The following GIT2 variants were observed in gnomAD, a reference collection of about 807,000 sequenced individuals.
GIT2 encodes GIT ArfGAP 2, also known as ARF GTPase-activating protein GIT2.
Under a neutral mutation model 100.3 loss-of-function variants are expected in GIT2, and 32 were observed. The observed-to-expected ratio is 0.32, with a 90% CI of 0.24 to 0.43. The LOEUF is 0.43. GIT2 is among the 20% of genes least tolerant of loss of function. The probability of loss-of-function intolerance (pLI) is 1.00; values close to 1 mark genes in which losing one functional copy is unlikely to be tolerated. For missense variants in GIT2, 737 were observed against 975.1 expected (o/e 0.76, Z 3.25); for synonymous variants, 353 against 364.1 (o/e 0.97, Z 0.35).
At chr12:109,983,791 G>A (rs1426573900) in intron 4 of GIT2, 97 bp from the exon 5 acceptor site, 1 of 729,774 alleles carries the variant, frequency 1.4e-6, no homozygotes, top group Non-Finnish European at 2.4e-6. Flanking sequence ...TGTTACATCA[G>A]TAACGCATAA....
rs1418065073 is a variant in GIT2, at chr12:109,933,210, C to T, written c.2068-20G>A. On this transcript the variant is annotated intron_variant, in intron 19 of 19. Coordinates refer to ENST00000355312, the MANE Select transcript of GIT2 (RefSeq NM_057169.5). The surrounding 1 kb of genome is among the most constrained non-coding windows in gnomAD (Gnocchi z 4.5). ...GGGTTTCTAAAAGGAAAAAGACAGC[C>T]GTTTACCCTGAACTGCAGGGCAGAC... The T allele has an allele frequency of 9.3e-6, 13 of 1,399,150 alleles. No homozygotes were observed. Among genetic ancestry groups the T allele is most frequent in the Non-Finnish European group, 1.1e-5 (11 of 1,007,756 alleles). The allele number at this position is 1,399,150 out of a possible 1,614,324, so 86.7% of individuals were successfully genotyped here. A position where few individuals can be genotyped will look rare whatever the true frequency, so the allele number is the denominator to read the frequency against.
At chr12:109,999,686 G>T, upstream of GIT2, 1 of 1,532,002 alleles carries the variant, frequency 6.5e-7, no homozygotes, top group Non-Finnish European at 8.8e-7. This position sits in a 1 kb window ranked among gnomAD's most constrained non-coding sequence, Gnocchi z 4.3. Context: ...CGGCCTCCTC[G>T]CCATGTCCTC....
Position 109,967,511 on chromosome 12 carries a change from A to G in GIT2, c.719-8T>C. Reference sequence around the variant, plus strand: ...GCTGTCCATTTTTGTGATCTGAAACAGAAACCAAGTCAAAGTTTTGTTCAT... The same window carrying G: ...GCTGTCCATTTTTGTGATCTGAAACGGAAACCAAGTCAAAGTTTTGTTCAT... On this transcript the variant is annotated splice_polypyrimidine_tract_variant and splice_region_variant and intron_variant, in intron 7 of 19. Coordinates refer to ENST00000355312, the MANE Select transcript of GIT2 (RefSeq NM_057169.5). 1 of 1,582,070 alleles carries G rather than the reference A, an allele frequency of 6.3e-7. No individual in the cohort carries two copies. The highest frequency in any genetic ancestry group is 8.7e-7 in the Non-Finnish European group (1 of 1,151,022).
At position 109,948,259 on chromosome 12, in the gene GIT2, C is replaced by T. The variant is rs1377990864; in HGVS notation, c.1393-755G>A. 6.1e-6 allele frequency: 6 copies of T among 986,106 alleles called. No homozygotes were observed. Among genetic ancestry groups the T allele is most frequent in the South Asian group, 4.7e-5 (1 of 21,354 alleles). The allele number at this position is 986,106 out of a possible 1,614,324, so 61.1% of individuals were successfully genotyped here. A position where few individuals can be genotyped will look rare whatever the true frequency, so the allele number is the denominator to read the frequency against. ...ATGCTCCACGCAGCACGCTTGCTTCCGTCTGGTGAGTGATCATCTTTCGGC... is the reference window on the plus strand; with the variant it reads ...ATGCTCCACGCAGCACGCTTGCTTCTGTCTGGTGAGTGATCATCTTTCGGC... On this transcript the variant is annotated intron_variant, in intron 14 of 19. Coordinates refer to ENST00000355312, the MANE Select transcript of GIT2 (RefSeq NM_057169.5). The surrounding 1 kb of genome is among the most constrained non-coding windows in gnomAD (Gnocchi z 4.3).
intron 17 of GIT2, 171 bp downstream of exon 17, chr12:109,938,994 G>A: frequency 1.7e-6 from 1 of 605,234 alleles, no homozygotes; most frequent in Admixed American, 2.7e-5. Flanking sequence ...GCAACAATGT[G>A]AGATGACAAG....
At chr12:109,940,397 G>A (rs1874330665) in intron 16 of GIT2, 1 of 152,212 alleles carries the variant, frequency 6.6e-6, no homozygotes, top group African/African-American at 2.4e-5. Flanking sequence ...AAATATAAGT[G>A]TGAGCTATTT....
chr12:109,933,536 T>G lies in GIT2; in HGVS notation c.2068-346A>C, dbSNP rs901878570. ...TTAGCACGACTTGTATATCCTTGTC[T>G]TATTAAATCAACATTCATGCAGAAC... On this transcript the variant is annotated intron_variant, in intron 19 of 19. Transcript: ENST00000355312. The surrounding 1 kb of genome is among the most constrained non-coding windows in gnomAD (Gnocchi z 4.5). 1 of 240,140 alleles carries G rather than the reference T, an allele frequency of 4.2e-6. No individual in the cohort carries two copies. The highest frequency in any genetic ancestry group is 2.2e-5 in the African/African-American group (1 of 44,608). 14.9% of individuals were successfully genotyped at this position (240,140 alleles called of 1,614,324 possible).
At chr12:109,977,798 G>A (rs1345740686) in intron 7 of GIT2, among the ~76,000 whole-genome samples, 1 of 145,850 alleles carries the variant, frequency 6.9e-6, no homozygotes, top group Non-Finnish European at 1.5e-5. Context: ...CTCCAGCCTG[G>A]GCAACAGAGA....
chr12:109,948,273 T>G lies in GIT2; in HGVS notation c.1393-769A>C. The G allele has an allele frequency of 1.0e-6, 1 of 986,630 alleles. No homozygotes were observed. Among genetic ancestry groups the G allele is most frequent in the Non-Finnish European group, 1.2e-6 (1 of 830,742 alleles). 61.1% of individuals were successfully genotyped at this position (986,630 alleles called of 1,614,324 possible). A position where few individuals can be genotyped will look rare whatever the true frequency, so the allele number is the denominator to read the frequency against. ...ACGCTTGCTTCCGTCTGGTGAGTGA[T>G]CATCTTTCGGCCAGGGCTGGAATAT... On this transcript the variant is annotated intron_variant, in intron 14 of 19. Coordinates refer to ENST00000355312, the MANE Select transcript of GIT2 (RefSeq NM_057169.5). The surrounding 1 kb of genome is among the most constrained non-coding windows in gnomAD (Gnocchi z 4.3).
At chr12:109,996,874 C>A (rs1889506132), upstream of GIT2, among the ~76,000 whole-genome samples, 1 of 151,590 alleles carries the variant, frequency 6.6e-6, no homozygotes, top group Non-Finnish European at 1.5e-5. Context: ...GGCAGGAGTT[C>A]GAGACCAGCC....
intron 1 of GIT2, among the ~76,000 whole-genome samples, chr12:109,993,964 G>A (rs911116180): frequency 1.3e-5 from 2 of 150,478 alleles, no homozygotes; most frequent in African/African-American, 2.4e-5. Flanking sequence ...TAACTCTGTC[G>A]CTATTACTGT....
At chr12:109,983,208 G>T in intron 6 of GIT2, 165 bp downstream of exon 6, 1 of 605,942 alleles carries the variant, frequency 1.7e-6, no homozygotes, top group Non-Finnish European at 2.8e-6. Flanking sequence ...CCTCAACTTT[G>T]CCAGGCTGAG....
In GIT2 at chr12:109,996,192, G is replaced by T; in HGVS notation, c.33C>A (p.Cys11Ter). ...ACTCACCCGGCCCGCTGCAGTCAGC[G>T]CACACCTCGCTGCTCCGGAGCCGTT... MSKRLRSSEV[C>*]ADCSGPDPSW... The change falls in exon 1 of 20, where the codon TGC (cysteine) becomes TGA (stop). Residue 11 changes from cysteine to a stop codon, truncating the protein, a stop_gained. Coordinates refer to ENST00000355312, the MANE Select transcript of GIT2 (RefSeq NM_057169.5). LOFTEE classifies it high-confidence loss of function. 6.5e-7 allele frequency: 1 copy of T among 1,530,408 alleles called. No homozygotes were observed. Among genetic ancestry groups the T allele is most frequent in the Non-Finnish European group, 8.8e-7 (1 of 1,138,580 alleles). 94.8% of individuals were successfully genotyped at this position (1,530,408 alleles called of 1,614,324 possible).
At chr12:109,995,398 G>C (rs1889154090) in intron 1 of GIT2, among the ~76,000 whole-genome samples, 6 of 152,180 alleles carry the variant, frequency 3.9e-5, no homozygotes. Flanking sequence ...GAGTTCTACT[G>C]TAGACAGCAT....
chr12:109,974,063 T>C lies in GIT2; in HGVS notation c.719-6560A>G, dbSNP rs946957664. Reference sequence around the variant, plus strand: ...TCTCAAAAAATAATGATGAGAATGATTTGAGACCTTTCTTCTTTTCTAAGG... The same window carrying C: ...TCTCAAAAAATAATGATGAGAATGACTTGAGACCTTTCTTCTTTTCTAAGG... On this transcript the variant is annotated intron_variant, in intron 7 of 19. Transcript: ENST00000355312. Among the ~76,000 whole-genome samples the C allele has an allele frequency of 2.0e-5, 3 of 151,660 alleles. No individual in the cohort carries two copies. The East Asian group carries it at 5.8e-4, about 29-fold the overall frequency.
chr12:109,986,333 A>C (rs776560498), intron 4 of GIT2, among the ~76,000 whole-genome samples: 28 of 152,194 alleles, frequency 1.8e-4, no homozygotes, highest in Non-Finnish European at 8.8e-5. Context: ...GTAGCACATC[A>C]AAAGTTAATC....
intron 12 of GIT2, among the ~76,000 whole-genome samples, chr12:109,959,485 A>G (rs1163563435): frequency 2.0e-5 from 3 of 152,350 alleles, no homozygotes; most frequent in Middle Eastern, 3.4e-3. Context: ...GAAATCATAT[A>G]TAAGATAAAT....
intron 18 of GIT2, among the ~76,000 whole-genome samples, chr12:109,937,434 G>A (rs902691680): frequency 1.3e-5 from 2 of 152,180 alleles, no homozygotes; most frequent in Admixed American, 1.3e-4. Flanking sequence ...AAAAGAATGA[G>A]ATTTTTCTTG....
At chr12:109,974,939 G>A (rs1485345422) in intron 7 of GIT2, among the ~76,000 whole-genome samples, 1 of 152,080 alleles carries the variant, frequency 6.6e-6, no homozygotes, top group Non-Finnish European at 1.5e-5. Context: ...TATTTTGAAG[G>A]TCTGTTGCTG....
Sources: gnomAD v4.1 joint callset for allele counts (sites outside exome capture counted in the v4.1 genomes callset) on GRCh38, gnomAD v4.1.1 for gene constraint, Gnocchi (gnomAD v3.1) non-coding constraint, MANE v1.5 for transcripts, NCBI Gene and HGNC (gene_info 2026-07-23, HGNC 2026-07-21) for gene names.